Variants in DGKQ observed in about 807,000 individuals in gnomAD.
DGKQ encodes DAG kinase theta.
DGKQ carries 97 observed loss-of-function variants against 104.2 expected under a neutral mutation model. The ratio of observed to expected loss-of-function variants is 0.93; its 90% confidence interval spans 0.79 to 1.10. The LOEUF is 1.10. DGKQ is among the 50% of genes least tolerant of loss of function. The pLI, the probability that DGKQ is intolerant of heterozygous loss-of-function variation, is 0.00. For synonymous variants in DGKQ, 736 were observed against 595.2 expected, an observed-to-expected ratio of 1.24 and a Z score of -3.44; for missense variants, 1,465 against 1,352.1, an observed-to-expected ratio of 1.08 and a Z score of -1.31.
In DGKQ at chr4:967,178, C is replaced by G; in HGVS notation, c.1171G>C (p.Ala391Pro). The G allele has an allele frequency of 6.3e-7, 1 of 1,599,160 alleles. No homozygotes were observed. The highest frequency in any genetic ancestry group is 1.1e-5 in the South Asian group (1 of 88,436). The change falls in exon 9 of 23, where the codon GCT (alanine) becomes CCT (proline). Residue 391 changes from alanine (A) to proline (P), a missense_variant. Transcript: ENST00000273814. The part of the protein sequence containing the change: ...EATPEAWVIR[A>P]LPRAQEVLKI... ...AGGACCTCCTGGGCCCGCGGCAGAG[C>G]CCGGATGACCCAGGCCTCTGGCGTG...
Position 959,339 on chromosome 4 carries a change from C to G in DGKQ, c.*1281G>C, listed in dbSNP as rs1577468393. ...CCGCAGGATTGGAGGCCCAGGCCAG[C>G]TGTGCCCCACAAGGGAAGGGGGAGA... On this transcript the variant is annotated 3_prime_UTR_variant, in exon 23 of 23. Transcript: ENST00000273814. The G allele has an allele frequency of 6.6e-6, 1 of 152,460 alleles. No homozygotes were observed. Among genetic ancestry groups the G allele is most frequent in the Admixed American group, 6.5e-5 (1 of 15,284 alleles). The allele number at this position is 152,460 out of a possible 1,614,324, so 9.4% of individuals were successfully genotyped here.
At chr4:972,505 CAGTA>C (rs990760045) in intron 1 of DGKQ, among the ~76,000 whole-genome samples, 6 of 152,202 alleles carry the variant, frequency 3.9e-5, no homozygotes, top group African/African-American at 9.7e-5. Flanking sequence ...GGCCAGGACA[CAGTA>C]AGTGTCAAAC....
chr4:959,199 CG>C lies in DGKQ; in HGVS notation c.*1420del. 6.5e-6 allele frequency: 1 copy of C among 152,798 alleles called. No homozygotes were observed. The highest frequency in any genetic ancestry group is 1.5e-5 in the Non-Finnish European group (1 of 68,194). The allele number at this position is 152,798 out of a possible 1,614,324, so 9.5% of individuals were successfully genotyped here. A position where few individuals can be genotyped will look rare whatever the true frequency, so the allele number is the denominator to read the frequency against. ...GTGCAGTTTGGCAGATGCGGGGGGT[CG>C]GGGGATTAGTGGCATCAAGGGCCCC... On this transcript the variant is annotated 3_prime_UTR_variant, in exon 23 of 23. Transcript: ENST00000273814.
intron 16 of DGKQ, 86 bp from the exon 17 acceptor site, chr4:963,006 G>C: frequency 1.3e-6 from 2 of 1,519,432 alleles, no homozygotes; most frequent in Non-Finnish European, 1.8e-6. Context: ...GCCCGTCCTG[G>C]CCGTGTGGAG....
rs565123789 is a variant in DGKQ, at chr4:961,209, G to A, written c.2575-8C>T. ...CCCACCCTGGACCTGGCCCTGGGGC[G>A]GGAGAGGCCAGCCGGGCTCAGCGGG... On this transcript the variant is annotated splice_region_variant and splice_polypyrimidine_tract_variant and intron_variant, in intron 21 of 22. Transcript: ENST00000273814. 7.4e-5 allele frequency: 114 copies of A among 1,543,510 alleles called. No homozygotes were observed. The highest frequency in any genetic ancestry group is 2.1e-4 in the Middle Eastern group (1 of 4,824).
intron 5 of DGKQ, 51 bp downstream of exon 5, chr4:968,231 C>G: frequency 1.4e-6 from 1 of 695,786 alleles, no homozygotes; most frequent in Non-Finnish European, 2.2e-6. Flanking sequence ...ACCCACCCAA[C>G]CCCGCACCTC....
Position 965,190 on chromosome 4 carries a change from G to C in DGKQ, c.1720C>G (p.Leu574Val), listed in dbSNP as rs1712207574. Residue 574 changes from leucine (L) to valine (V), a missense_variant, in exon 15 of 23, where the codon CTC (leucine) becomes GTC (valine). Transcript: ENST00000273814. ...VRGRLLTALVLPDLLHAKLPP... is the reference protein window; with the variant it reads ...VRGRLLTALVVPDLLHAKLPP... ...CGCACACTCACCAGCAGGTCGGGGAGCACCAGGGCAGTGAGCAGCCGGCCC... is the reference window on the plus strand; with the variant it reads ...CGCACACTCACCAGCAGGTCGGGGACCACCAGGGCAGTGAGCAGCCGGCCC... The C allele has an allele frequency of 1.2e-6, 2 of 1,612,460 alleles. No homozygotes were observed. The highest frequency in any genetic ancestry group is 1.7e-6 in the Non-Finnish European group (2 of 1,179,762).
chr4:966,178 G>A, intron 12 of DGKQ, 100 bp from the exon 13 acceptor site: 3 of 1,250,090 alleles, frequency 2.4e-6, no homozygotes, highest in South Asian at 1.4e-5. Flanking sequence ...AGGGCATCAG[G>A]AACACTCCCA....
At chr4:972,480 C>T (rs958954551) in intron 1 of DGKQ, among the ~76,000 whole-genome samples, 1 of 152,206 alleles carries the variant, frequency 6.6e-6, no homozygotes, top group Non-Finnish European at 1.5e-5. Flanking sequence ...TAGCCCCTCC[C>T]ACCTCAGCGT....
At chr4:967,525 G>A in intron 8 of DGKQ, 24 bp downstream of exon 8, 1 of 1,604,524 alleles carries the variant, frequency 6.2e-7, no homozygotes, top group Non-Finnish European at 8.5e-7. Context: ...AGGGGGCTCA[G>A]ACCTCCCCCA....
At chr4:968,596 C>T (rs757583854) in intron 3 of DGKQ, 32 bp from the exon 4 acceptor site, 40 of 1,562,366 alleles carry the variant, frequency 2.6e-5, no homozygotes, top group Non-Finnish European at 3.1e-5. Context: ...AGGTGTCTGC[C>T]GCCCCCGGAG....
At position 967,755 on chromosome 4, in the gene DGKQ, T is replaced by C. The variant is rs1410844904; in HGVS notation, c.859A>G (p.Arg287Gly). 3 of 1,610,282 alleles carry C rather than the reference T, an allele frequency of 1.9e-6. No homozygotes were observed. The highest frequency in any genetic ancestry group is 2.2e-5 in the South Asian group (2 of 90,874). Residue 287 changes from arginine (R) to glycine (G), a missense_variant, in exon 7 of 23, where the codon AGA (arginine) becomes GGA (glycine). Coordinates refer to ENST00000273814, the MANE Select transcript of DGKQ (RefSeq NM_001347.4). ...GACTCCGGAGTTGCCTGTGTCTCTCTGCCTGGACCCACGGCAGCGCTCCCG... is the reference window on the plus strand; with the variant it reads ...GACTCCGGAGTTGCCTGTGTCTCTCCGCCTGGACCCACGGCAGCGCTCCCG... ...ADGSAAVGPG[R>G]ETQATPESGK...
chr4:966,251 C>T, intron 12 of DGKQ, 173 bp from the exon 13 acceptor site: 1 of 848,928 alleles, frequency 1.2e-6, no homozygotes, highest in Admixed American at 2.6e-5. Flanking sequence ...GTGGACAACC[C>T]CTGTCCGTTC....
At position 967,219 on chromosome 4, in the gene DGKQ, G is replaced by T. The variant is rs752484430; in HGVS notation, c.1130C>A (p.Pro377His). 15 of 1,580,670 alleles carry T rather than the reference G, an allele frequency of 9.5e-6. No homozygotes were observed. In the African/African-American group the frequency reaches 1.7e-4, roughly 18 times the overall value. The change falls in exon 9 of 23, where the codon CCC becomes CAC. Residue 377 changes from proline (P) to histidine (H), a missense_variant. By Grantham distance (77) the Pro-to-His change is moderately conservative (BLOSUM62 -2). Coordinates refer to ENST00000273814, the MANE Select transcript of DGKQ (RefSeq NM_001347.4). ...SAVISEEGRS[P>H]GSGEATPEAW... ...CTCTGGCGTGGCCTCGCCGGACCCG[G>T]GGCTTCTGCCCTCCTCCGAGATCAC...
chr4:961,105 C>T lies in DGKQ; in HGVS notation c.2671G>A (p.Gly891Arg), dbSNP rs756990762. Residue 891 changes from glycine (G) to arginine (R), a missense_variant, in exon 22 of 23, where the codon GGG becomes AGG. Coordinates refer to ENST00000273814, the MANE Select transcript of DGKQ (RefSeq NM_001347.4). ...LLKATPVQVD[G>R]EPWVQAPGHM... ...CCCGGGGCCTGGACCCAGGGCTCCC[C>T]GTCCACCTGCACCGGGGTGGCCTTG... is the stretch of plus-strand genomic sequence containing the variant. 4 of 1,611,946 alleles carry T rather than the reference C, an allele frequency of 2.5e-6. No individual in the cohort carries two copies. Among genetic ancestry groups the T allele is most frequent in the Non-Finnish European group, 1.7e-6 (2 of 1,179,476 alleles).
Position 967,760 on chromosome 4 carries a change from G to C in DGKQ, c.854C>G (p.Pro285Arg). Reference sequence around the variant, plus strand: ...CGGAGTTGCCTGTGTCTCTCTGCCTGGACCCACGGCAGCGCTCCCGTCGGC... The same window carrying C: ...CGGAGTTGCCTGTGTCTCTCTGCCTCGACCCACGGCAGCGCTCCCGTCGGC... The part of the protein sequence containing the change: ...DGADGSAAVG[P>R]GRETQATPES... Residue 285 changes from proline (P) to arginine (R), a missense_variant, in exon 7 of 23, where the codon CCA becomes CGA. By Grantham distance (103) the Pro-to-Arg change is moderately radical. Coordinates refer to ENST00000273814, the MANE Select transcript of DGKQ (RefSeq NM_001347.4). 1 of 1,609,782 alleles carries C rather than the reference G, an allele frequency of 6.2e-7. No homozygotes were observed. Among genetic ancestry groups the C allele is most frequent in the Non-Finnish European group, 8.5e-7 (1 of 1,178,576 alleles).
At chr4:967,430 T>C in intron 8 of DGKQ, 69 bp from the exon 9 acceptor site, 1 of 490,108 alleles carries the variant, frequency 2.0e-6, no homozygotes, top group Non-Finnish European at 3.0e-6. Context: ...GGGCAGGTCA[T>C]GGAGGGGGAG....
intron 12 of DGKQ, 85 bp downstream of exon 12, chr4:966,381 C>A (rs569428587): frequency 6.2e-6 from 9 of 1,443,696 alleles, no homozygotes; most frequent in Middle Eastern, 3.6e-4. Flanking sequence ...GAGAACTCGG[C>A]GTCTGGGGCA....
chr4:969,596 T>G (rs1417459651), intron 2 of DGKQ, among the ~76,000 whole-genome samples: 2 of 150,702 alleles, frequency 1.3e-5, no homozygotes, highest in African/African-American at 4.8e-5. Flanking sequence ...GACTTTTATT[T>G]TGTTAAATAT....
Sources: gnomAD v4.1 joint callset for allele counts (sites outside exome capture counted in the v4.1 genomes callset) on GRCh38, gnomAD v4.1.1 for gene constraint, MANE v1.5 for transcripts, NCBI Gene and HGNC (gene_info 2026-07-23, HGNC 2026-07-21) for gene names.